Variants in LHFPL6 observed in about 807,000 individuals in gnomAD.
The protein encoded by LHFPL6 is LHFPL tetraspan subfamily member 6 protein.
Under a neutral mutation model 20.6 loss-of-function variants are expected in LHFPL6, and 9 were observed. The observed-to-expected ratio is 0.44, with a 90% CI of 0.26 to 0.76. The LOEUF is 0.76. Ranked by LOEUF, LHFPL6 falls within the 30% of genes least tolerant of loss-of-function variation. LHFPL6 has a pLI of 0.20. For synonymous variants in LHFPL6, 105 were observed against 98.7 expected (o/e 1.06, Z -0.38); for missense variants, 218 against 253.5 (o/e 0.86, Z 0.95).
intron 2 of LHFPL6, among the ~76,000 whole-genome samples, chr13:39,450,383 G>C (rs370611068): frequency 2.9e-4 from 44 of 152,292 alleles, no homozygotes; most frequent in East Asian, 2.5e-3. Flanking sequence ...TCTGATGTCT[G>C]ATTCATTCAG....
chr13:39,474,379 C>G (rs1044179309), intron 2 of LHFPL6, among the ~76,000 whole-genome samples: 2 of 152,152 alleles, frequency 1.3e-5, no homozygotes, highest in African/African-American at 4.8e-5. Flanking sequence ...TGATCTGTGT[C>G]AATGTTCACT....
chr13:39,592,402 C>G (rs570473403), intron 2 of LHFPL6, among the ~76,000 whole-genome samples: 1 of 152,254 alleles, frequency 6.6e-6, no homozygotes, highest in African/African-American at 2.4e-5. Flanking sequence ...AACACATACA[C>G]CCTCCCAAGA....
intron 3 of LHFPL6, among the ~76,000 whole-genome samples, chr13:39,365,134 C>T (rs1009439049): frequency 2.0e-5 from 3 of 152,140 alleles, no homozygotes; most frequent in Non-Finnish European, 4.4e-5. Flanking sequence ...AAATCCAGCT[C>T]CTCTGACTCA....
chr13:39,352,909 A>ATATATATATATG (rs1566091631), intron 3 of LHFPL6, among the ~76,000 whole-genome samples: 9 of 42,002 alleles, frequency 2.1e-4, no homozygotes, highest in East Asian at 1.3e-3. Context: ...ATATATATAA[A>ATATATATATATG]TGTATATATA....
At chr13:39,541,854 C>T (rs1329656565) in intron 2 of LHFPL6, among the ~76,000 whole-genome samples, 1 of 151,116 alleles carries the variant, frequency 6.6e-6, no homozygotes, top group East Asian at 2.0e-4. Flanking sequence ...CTTTGGGAGG[C>T]CGAGGTGGGT....
At chr13:39,413,550 CT>C (rs201193330) in intron 2 of LHFPL6, among the ~76,000 whole-genome samples, 3,694 of 148,916 alleles carry the variant, frequency 0.025, 58 homozygotes, top group Non-Finnish European at 0.039. Context: ...TCCTGTGTAT[CT>C]GGGACTACAG....
chr13:39,425,743 T>G (rs760893946), intron 2 of LHFPL6, among the ~76,000 whole-genome samples: 2 of 152,160 alleles, frequency 1.3e-5, no homozygotes, highest in African/African-American at 2.4e-5. Flanking sequence ...GTTTTGAGAG[T>G]TCTTTATATA....
chr13:39,526,760 T>C (rs140237110), intron 2 of LHFPL6, among the ~76,000 whole-genome samples: 1 of 152,228 alleles, frequency 6.6e-6, no homozygotes, highest in Admixed American at 6.5e-5. Context: ...GTAGGAATTA[T>C]AGCTACTGAC....
At chr13:39,469,584 A>C (rs1872894441) in intron 2 of LHFPL6, among the ~76,000 whole-genome samples, 2 of 152,188 alleles carry the variant, frequency 1.3e-5, no homozygotes, top group Admixed American at 1.3e-4. Context: ...GTTAGTGCTC[A>C]GGACTGAAAA....
At chr13:39,576,384 T>C (rs1872116178) in intron 2 of LHFPL6, among the ~76,000 whole-genome samples, 1 of 152,178 alleles carries the variant, frequency 6.6e-6, no homozygotes, top group African/African-American at 2.4e-5. Context: ...AAGCATTAGT[T>C]CCAATTTGTG....
At chr13:39,369,390 G>T (rs1420022105) in intron 3 of LHFPL6, among the ~76,000 whole-genome samples, 3 of 152,054 alleles carry the variant, frequency 2.0e-5, no homozygotes, top group Non-Finnish European at 4.4e-5. Context: ...ACCTATCAGG[G>T]TATCTGGTTC....
At chr13:39,493,446 T>A (rs1868998233) in intron 2 of LHFPL6, among the ~76,000 whole-genome samples, 1 of 152,172 alleles carries the variant, frequency 6.6e-6, no homozygotes, top group Non-Finnish European at 1.5e-5. Flanking sequence ...ATAAATTATG[T>A]CACGTGAATT....
intron 2 of LHFPL6, among the ~76,000 whole-genome samples, chr13:39,486,183 G>A: frequency 6.6e-6 from 1 of 152,156 alleles, no homozygotes; most frequent in South Asian, 2.1e-4. Flanking sequence ...CTGGAGAGTG[G>A]AAGTGGAATT....
chr13:39,551,677 C>A (rs926375681), intron 2 of LHFPL6, among the ~76,000 whole-genome samples: 1 of 152,144 alleles, frequency 6.6e-6, no homozygotes, highest in African/African-American at 2.4e-5. Context: ...TATAAATCCA[C>A]TAGAGAAGAA....
At chr13:39,463,401 A>T (rs1872730783) in intron 2 of LHFPL6, among the ~76,000 whole-genome samples, 1 of 145,318 alleles carries the variant, frequency 6.9e-6, no homozygotes, top group African/African-American at 2.7e-5. Context: ...TAGTTTTTAT[A>T]TAATTATTAA....
At chr13:39,423,469 G>T (rs1417081098) in intron 2 of LHFPL6, among the ~76,000 whole-genome samples, 2 of 151,758 alleles carry the variant, frequency 1.3e-5, no homozygotes, top group Non-Finnish European at 2.9e-5. Context: ...TGTTGCCCAG[G>T]CTGGAACACA....
chr13:39,429,261 T>TG (rs1871725840), intron 2 of LHFPL6, among the ~76,000 whole-genome samples: 2 of 147,046 alleles, frequency 1.4e-5, no homozygotes, highest in South Asian at 2.2e-4. Context: ...TGGATTTCTC[T>TG]ATTTTTCCTT....
intron 3 of LHFPL6, among the ~76,000 whole-genome samples, chr13:39,369,782 G>A (rs919332670): frequency 6.6e-6 from 1 of 152,010 alleles, no homozygotes; most frequent in Non-Finnish European, 1.5e-5. Context: ...TTTGCTTGAG[G>A]AAGTAAGTGA....
chr13:39,508,011 T>C (rs1315811391), intron 2 of LHFPL6, among the ~76,000 whole-genome samples: 4 of 151,524 alleles, frequency 2.6e-5, no homozygotes, highest in Non-Finnish European at 4.4e-5. Context: ...AATAGTGTTA[T>C]TAAGTTGTAA....
Sources: gnomAD v4.1 joint callset for allele counts (sites outside exome capture counted in the v4.1 genomes callset) on GRCh38, gnomAD v4.1.1 for gene constraint, MANE v1.5 for transcripts, NCBI Gene and HGNC (gene_info 2026-07-23, HGNC 2026-07-21) for gene names.